Variants in LRRC9 observed in about 807,000 individuals in gnomAD.
The protein encoded by LRRC9 is leucine-rich repeat-containing protein 9.
Under a neutral mutation model 63.2 loss-of-function variants are expected in LRRC9, and 122 were observed. That is an observed-to-expected ratio of 1.93 (90% CI 1.67 to 2.24). The LOEUF is 2.24. Among genes scored for constraint, LRRC9 ranks in the 30% most tolerant of loss-of-function variants. The pLI is 0.00. For missense variants in LRRC9, 1,071 were observed against 627.7 expected, an observed-to-expected ratio of 1.71 and a Z score of -7.55; for synonymous variants, 366 against 213.1, an observed-to-expected ratio of 1.72 and a Z score of -6.25.
chr14:59,928,311 G>C (rs1889383213), exon 3 of LRRC9: 1 of 662,432 alleles, frequency 1.5e-6, no homozygotes, highest in African/African-American at 1.8e-5. Flanking sequence ...GGACAAGAAG[G>C]ATCAGATACA....
chr14:60,001,203 T>C (rs1889329949), intron 19 of LRRC9, among the ~76,000 whole-genome samples: 1 of 152,144 alleles, frequency 6.6e-6, no homozygotes, highest in Admixed American at 6.6e-5. Context: ...TGTGTGTGTG[T>C]GTGTGTGTAT....
chr14:59,979,033 A>G (rs1048246738), intron 15 of LRRC9, among the ~76,000 whole-genome samples: 28 of 152,174 alleles, frequency 1.8e-4, no homozygotes, highest in African/African-American at 6.8e-4. Context: ...ACCAAATGTT[A>G]TATCTTTTGA....
Position 60,053,983 on chromosome 14 carries a change from C to T in LRRC9, c.4131+778C>T. On this transcript the variant is annotated intron_variant, in intron 30 of 31. Coordinates refer to ENST00000445360, the Ensembl canonical transcript of LRRC9. This position sits in a 1 kb window ranked among gnomAD's most constrained non-coding sequence, Gnocchi z 4.8. Reference sequence around the variant, plus strand: ...TAATCCAAGAGAGATGTTATGAAGACCTGGACCACGGTAGAGAATATAAAT... The same window carrying T: ...TAATCCAAGAGAGATGTTATGAAGATCTGGACCACGGTAGAGAATATAAAT... 1 of 441,552 alleles carries T rather than the reference C, an allele frequency of 2.3e-6. No homozygotes were observed. The highest frequency in any genetic ancestry group is 4.5e-6 in the Non-Finnish European group (1 of 223,202). The allele number at this position is 441,552 out of a possible 1,614,324, so 27.4% of individuals were successfully genotyped here. A position where few individuals can be genotyped will look rare whatever the true frequency, so the allele number is the denominator to read the frequency against.
chr14:59,961,159 A>C, intron 10 of LRRC9, 114 bp downstream of exon 10: 1 of 502,610 alleles, frequency 2.0e-6, no homozygotes, highest in Non-Finnish European at 3.5e-6. Flanking sequence ...AACATTTCTC[A>C]TGCAGAATAT....
At chr14:60,022,745 G>A (rs1891211468) in exon 27 of LRRC9, 3 of 647,402 alleles carry the variant, frequency 4.6e-6, no homozygotes, top group Non-Finnish European at 8.4e-6. Flanking sequence ...GATATAATGA[G>A]CAGTGAAAAT....
chr14:59,920,018 T>G (rs1196524740), intron 1 of LRRC9, 126 bp from the exon 1 acceptor site: 2 of 152,214 alleles, frequency 1.3e-5, no homozygotes, highest in Non-Finnish European at 2.9e-5. Flanking sequence ...CACCACGTGA[T>G]GCAAACCCGG....
rs1888971047 is a variant in LRRC9, at chr14:59,923,795, G to T, written c.-34+3912G>T. The stretch of plus-strand genomic sequence containing the variant: ...CTCTACTAAAAATACAAAAAAATTA[G>T]CCGGGCGTGGTGGCAGGCGCCTATA... On this transcript the variant is annotated intron_variant, in intron 1 of 31. Transcript: ENST00000445360. The surrounding 1 kb of genome is among the most constrained non-coding windows in gnomAD (Gnocchi z 4.2). Among the ~76,000 whole-genome samples the T allele has an allele frequency of 6.6e-6, 1 of 152,096 alleles. No individual in the cohort carries two copies. The highest frequency in any genetic ancestry group is 2.4e-5 in the African/African-American group (1 of 41,406).
chr14:60,034,372 T>C (rs1892257081), intron 29 of LRRC9, among the ~76,000 whole-genome samples: 1 of 152,160 alleles, frequency 6.6e-6, no homozygotes, highest in Non-Finnish European at 1.5e-5. Flanking sequence ...TTTTCATTTA[T>C]TTTTAAAAAT....
At chr14:60,012,443 T>C (rs1890329152) in intron 23 of LRRC9, among the ~76,000 whole-genome samples, 1 of 152,212 alleles carries the variant, frequency 6.6e-6, no homozygotes, top group South Asian at 2.1e-4. Flanking sequence ...TCCTATGTAC[T>C]TTTATTTGTA....
chr14:59,991,667 A>G (rs1488324180), intron 17 of LRRC9, among the ~76,000 whole-genome samples: 5 of 152,156 alleles, frequency 3.3e-5, no homozygotes, highest in Non-Finnish European at 7.4e-5. Flanking sequence ...CCAGGAGATT[A>G]TATCCCGCGC....
At chr14:60,001,200 G>A (rs1313826204) in intron 19 of LRRC9, among the ~76,000 whole-genome samples, 2 of 152,090 alleles carry the variant, frequency 1.3e-5, no homozygotes, top group Non-Finnish European at 2.9e-5. Context: ...GTGTGTGTGT[G>A]TGTGTGTGTG....
At chr14:60,065,986 T>A (rs8016123), downstream of LRRC9, among the ~76,000 whole-genome samples, 4 of 152,070 alleles carry the variant, frequency 2.6e-5, no homozygotes, top group Admixed American at 2.0e-4. Flanking sequence ...CTTCCATTTT[T>A]AAAAAAATTT....
chr14:60,016,845 TATCA>T, intron 24 of LRRC9, 55 bp downstream of exon 24: 2 of 585,090 alleles, frequency 3.4e-6, no homozygotes, highest in South Asian at 2.2e-5. Context: ...ATGTAATTAT[TATCA>T]TTTTTCTGAA....
At chr14:60,056,426 C>T (rs1894286964) in intron 30 of LRRC9, among the ~76,000 whole-genome samples, 1 of 152,118 alleles carries the variant, frequency 6.6e-6, no homozygotes, top group South Asian at 2.1e-4. Flanking sequence ...TTTAATTTGG[C>T]ATAACTCAAA....
intron 29 of LRRC9, among the ~76,000 whole-genome samples, chr14:60,039,663 T>C (rs1892769767): frequency 6.6e-6 from 1 of 152,202 alleles, no homozygotes; most frequent in Admixed American, 6.5e-5. Flanking sequence ...TTTTCTTCTT[T>C]ATTAGTCTTG....
At position 59,986,960 on chromosome 14, in the gene LRRC9, G is replaced by A. The variant is rs1887537272; in HGVS notation, c.2211+1736G>A. 6.6e-6 allele frequency among the ~76,000 whole-genome samples: 1 copy of A among 152,040 alleles called. No homozygotes were observed. The highest frequency in any genetic ancestry group is 6.6e-5 in the Admixed American group (1 of 15,260). ...AAATGACTCTAAGGATATTAGAGGT[G>A]GCCAGAGAGAGGAGAAACTCTACAT... On this transcript the variant is annotated intron_variant, in intron 17 of 31. Transcript: ENST00000445360. The surrounding 1 kb of genome is among the most constrained non-coding windows in gnomAD (Gnocchi z 4.7).
rs1458188053 is a variant in LRRC9, at chr14:60,060,022, G to A, written c.4276+2000G>A. Among the ~76,000 whole-genome samples, 1 of 152,190 alleles carries A rather than the reference G, an allele frequency of 6.6e-6. No homozygotes were observed. Among genetic ancestry groups the A allele is most frequent in the African/African-American group, 2.4e-5 (1 of 41,462 alleles). The stretch of plus-strand genomic sequence containing the variant: ...AAAGGACAGTCTGACTCTCTTGTTA[G>A]GGGCTAGTGCAGCTGGTGACTTTAA... On this transcript the variant is annotated intron_variant, in intron 31 of 31. Transcript: ENST00000445360. The surrounding 1 kb of genome is among the most constrained non-coding windows in gnomAD (Gnocchi z 4.0).
At position 59,938,304 on chromosome 14, in the gene LRRC9, G is replaced by T; in HGVS notation, c.544-86G>T. On this transcript the variant is annotated intron_variant, in intron 6 of 31. Coordinates refer to ENST00000445360, the Ensembl canonical transcript of LRRC9. This position sits in a 1 kb window ranked among gnomAD's most constrained non-coding sequence, Gnocchi z 4.2. ...TTAAGCGCATAATTAGAATGCATTA[G>T]ACTATGGCTGATCTTAGGTGTTCAA... 2 of 575,086 alleles carry T rather than the reference G, an allele frequency of 3.5e-6. No individual in the cohort carries two copies. Among genetic ancestry groups the T allele is most frequent in the South Asian group, 4.5e-5 (2 of 44,360 alleles). The allele number at this position is 575,086 out of a possible 1,614,324, so 35.6% of individuals were successfully genotyped here. A position where few individuals can be genotyped will look rare whatever the true frequency, so the allele number is the denominator to read the frequency against.
chr14:59,944,073 G>A (rs1294808761), intron 7 of LRRC9, among the ~76,000 whole-genome samples: 2 of 151,878 alleles, frequency 1.3e-5, no homozygotes, highest in Non-Finnish European at 2.9e-5. Flanking sequence ...AGGAACGCAA[G>A]ATAAATGGAT....
Sources: gnomAD v4.1 joint callset for allele counts (sites outside exome capture counted in the v4.1 genomes callset) on GRCh38, gnomAD v4.1.1 for gene constraint, Gnocchi (gnomAD v3.1) non-coding constraint, MANE v1.5 for transcripts, NCBI Gene and HGNC (gene_info 2026-07-23, HGNC 2026-07-21) for gene names.